The following SPCS3 variants were observed in gnomAD, a reference collection of about 807,000 sequenced individuals.
SPCS3 encodes the protein SPase 22 kDa subunit.
A neutral mutation model predicts 17.2 loss-of-function variants in SPCS3; 9 were observed. The observed-to-expected ratio is 0.52, with a 90% CI of 0.31 to 0.91. The LOEUF (loss-of-function observed/expected upper bound fraction) is 0.91. Among genes scored for constraint, SPCS3 ranks in the 40% least tolerant of loss-of-function variants. The probability of loss-of-function intolerance (pLI) is 0.04; values close to 1 mark genes in which losing one functional copy is unlikely to be tolerated. For missense variants in SPCS3, 139 were observed against 217.5 expected, an observed-to-expected ratio of 0.64 and a Z score of 2.27; for synonymous variants, 87 against 89.6, an observed-to-expected ratio of 0.97 and a Z score of 0.16.
In SPCS3 at chr4:176,330,197, A is replaced by T. The variant is rs1459620415; in HGVS notation, c.*1867A>T. ...GAAAACGAATGAAAGTCTAACACAT[A>T]ACTCATATTGATTTACTTTATTTCT... On this transcript the variant is annotated 3_prime_UTR_variant, in exon 5 of 5. Transcript: ENST00000503362. 2 of 152,224 alleles carry T rather than the reference A, an allele frequency of 1.3e-5. No individual in the cohort carries two copies. Among genetic ancestry groups the T allele is most frequent in the African/African-American group, 4.8e-5 (2 of 41,466 alleles). The allele number at this position is 152,224 out of a possible 1,614,324, so 9.4% of individuals were successfully genotyped here. A position where few individuals can be genotyped will look rare whatever the true frequency, so the allele number is the denominator to read the frequency against.
chr4:176,330,287 T>A lies in SPCS3; in HGVS notation c.*1957T>A, dbSNP rs1232334466. 1 of 152,204 alleles carries A rather than the reference T, an allele frequency of 6.6e-6. No individual in the cohort carries two copies. Among genetic ancestry groups the A allele is most frequent in the Non-Finnish European group, 1.5e-5 (1 of 68,018 alleles). 9.4% of individuals were successfully genotyped at this position (152,204 alleles called of 1,614,324 possible). The stretch of plus-strand genomic sequence containing the variant: ...TGTACAAATACTAGACATGGAAACT[T>A]AAAATGTGCAGGTGTCAAAGCTTAA... On this transcript the variant is annotated 3_prime_UTR_variant, in exon 5 of 5. Transcript: ENST00000503362.
intron 4 of SPCS3, 121 bp downstream of exon 4, chr4:176,327,398 T>G (rs1731621566): frequency 1.8e-6 from 1 of 567,772 alleles, no homozygotes; most frequent in Non-Finnish European, 3.1e-6. Flanking sequence ...AAGAAGTATT[T>G]ATGCATATCT....
intron 1 of SPCS3, 43 bp downstream of exon 1, chr4:176,320,262 C>T (rs1206173398): frequency 4.3e-6 from 6 of 1,402,028 alleles, no homozygotes; most frequent in Non-Finnish European, 4.7e-6. Flanking sequence ...CGGGACCGGG[C>T]TGGGGCGGAA....
intron 1 of SPCS3, chr4:176,321,356 T>C (rs1360936008): frequency 6.6e-6 from 1 of 152,190 alleles, no homozygotes; most frequent in African/African-American, 2.4e-5. Flanking sequence ...TTAATTTCTT[T>C]TTGTTTAAGA....
rs1483016684 is a variant in SPCS3, at chr4:176,331,540, T to A, written c.*3210T>A. On this transcript the variant is annotated 3_prime_UTR_variant, in exon 5 of 5. Transcript: ENST00000503362. Reference sequence around the variant, plus strand: ...CACAATGTAGTCATTCATAAAAAAATTCATGAAAATACTGAACATATGTTT... The same window carrying A: ...CACAATGTAGTCATTCATAAAAAAAATCATGAAAATACTGAACATATGTTT... 2 of 152,192 alleles carry A rather than the reference T, an allele frequency of 1.3e-5. No homozygotes were observed. Among genetic ancestry groups the A allele is most frequent in the South Asian group, 4.1e-4 (2 of 4,830 alleles). 9.4% of individuals were successfully genotyped at this position (152,192 alleles called of 1,614,324 possible).
At chr4:176,321,842 C>T (rs145541952) in intron 1 of SPCS3, 107 of 179,876 alleles carry the variant, frequency 5.9e-4, no homozygotes, top group African/African-American at 2.2e-3. Context: ...ATTCGTATCA[C>T]CTTGTAGTCA....
At chr4:176,323,572 C>T (rs553937052) in intron 2 of SPCS3, among the ~76,000 whole-genome samples, 14 of 152,150 alleles carry the variant, frequency 9.2e-5, no homozygotes, top group South Asian at 2.1e-4. Flanking sequence ...ATATTAACTC[C>T]GCTTATTTCT....
chr4:176,321,995 T>C, intron 1 of SPCS3, 175 bp from the exon 2 acceptor site: 1 of 455,612 alleles, frequency 2.2e-6, no homozygotes. Flanking sequence ...ACTTTAATAT[T>C]GGATTAGAAT....
chr4:176,327,319 G>A, intron 4 of SPCS3, 42 bp downstream of exon 4: 3 of 1,134,968 alleles, frequency 2.6e-6, no homozygotes, highest in Non-Finnish European at 3.7e-6. Flanking sequence ...AATAAGAGGT[G>A]AAAAAGAGAG....
Position 176,320,231 on chromosome 4 carries a change from C to G in SPCS3, c.143+12C>G, listed in dbSNP as rs1389015840. ...TCGCGGATCATGCTGTGAGTGAGGCCGGGCCGGCGGTGCAGGACGCCGGGA... is the reference window on the plus strand; with the variant it reads ...TCGCGGATCATGCTGTGAGTGAGGCGGGGCCGGCGGTGCAGGACGCCGGGA... On this transcript the variant is annotated intron_variant, in intron 1 of 4. Transcript: ENST00000503362. 3.2e-6 allele frequency: 5 copies of G among 1,545,878 alleles called. No homozygotes were observed. Among genetic ancestry groups the G allele is most frequent in the Non-Finnish European group, 4.4e-6 (5 of 1,146,946 alleles).
chr4:176,322,315 G>A, intron 2 of SPCS3, 72 bp downstream of exon 2: 1 of 1,052,792 alleles, frequency 9.5e-7, no homozygotes, highest in Non-Finnish European at 1.4e-6. Context: ...TTAATGATTT[G>A]GGATACAGTG....
Position 176,329,597 on chromosome 4 carries a change from CTT to C in SPCS3, c.*1268_*1269del, listed in dbSNP as rs1560839248. ...TTATTCTCTGAATAAATTCATTTCA[CTT>C]ATATTAAAAGCATAAGGAAATCTAC... On this transcript the variant is annotated 3_prime_UTR_variant, in exon 5 of 5. Transcript: ENST00000503362. 2 of 152,086 alleles carry C rather than the reference CTT, an allele frequency of 1.3e-5. No homozygotes were observed. The highest frequency in any genetic ancestry group is 6.5e-5 in the Admixed American group (1 of 15,268). The allele number at this position is 152,086 out of a possible 1,614,324, so 9.4% of individuals were successfully genotyped here. A position where few individuals can be genotyped will look rare whatever the true frequency, so the allele number is the denominator to read the frequency against.
rs951701007 is a variant in SPCS3 at position 176,330,743 on chromosome 4, T to C, written c.*2413T>C. ...ATAATGTTCTACAAAGACACAAAGC[T>C]TCAGGCTTATACAAAACTGAGTATG... is the stretch of plus-strand genomic sequence containing the variant. On this transcript the variant is annotated 3_prime_UTR_variant, in exon 5 of 5. Coordinates refer to ENST00000503362, the MANE Select transcript of SPCS3 (RefSeq NM_021928.4). 1.3e-5 allele frequency: 2 copies of C among 152,214 alleles called. No individual in the cohort carries two copies. The highest frequency in any genetic ancestry group is 4.8e-5 in the African/African-American group (2 of 41,458). The allele number at this position is 152,214 out of a possible 1,614,324, so 9.4% of individuals were successfully genotyped here.
At chr4:176,323,644 TG>T (rs781397918) in intron 2 of SPCS3, among the ~76,000 whole-genome samples, 13 of 152,180 alleles carry the variant, frequency 8.5e-5, no homozygotes, top group Non-Finnish European at 1.3e-4. Context: ...GAGACTGAAT[TG>T]AGCCACATTG....
intron 1 of SPCS3, 147 bp downstream of exon 1, chr4:176,320,366 C>G (rs867861133): frequency 4.3e-6 from 3 of 692,670 alleles, no homozygotes; most frequent in Middle Eastern, 4.9e-4. Context: ...CCCCCGAGGG[C>G]GGTCGTCAGG....
intron 3 of SPCS3, among the ~76,000 whole-genome samples, chr4:176,325,020 G>A (rs78453928): frequency 0.039 from 5,874 of 150,520 alleles, 163 homozygotes; most frequent in African/African-American, 0.079. Flanking sequence ...CGGTAGTATT[G>A]CCACCACTCA....
At position 176,325,575 on chromosome 4, in the gene SPCS3, AAAAG is replaced by A. The variant is rs796414364; in HGVS notation, c.294+1321_294+1324del. ...ATACCTTTCTTTAAAAAAAAAAAAAAAAAGAACATGGTGCAAGGTGTTTTTGGTA... is the reference window on the plus strand; with the variant it reads ...ATACCTTTCTTTAAAAAAAAAAAAAAAACATGGTGCAAGGTGTTTTTGGTA... On this transcript the variant is annotated intron_variant, in intron 3 of 4. Transcript: ENST00000503362. 1.6e-4 allele frequency among the ~76,000 whole-genome samples: 24 copies of A among 152,106 alleles called. No individual in the cohort carries two copies. The South Asian group carries it at 3.5e-3, about 22-fold the overall frequency.
chr4:176,320,251 C>G, intron 1 of SPCS3, 32 bp downstream of exon 1: 2 of 1,497,102 alleles, frequency 1.3e-6, no homozygotes, highest in Non-Finnish European at 1.8e-6. Context: ...GTGCAGGACG[C>G]CGGGACCGGG....
rs756858744 is a variant in SPCS3, at chr4:176,320,236, C to G, written c.143+17C>G. The G allele has an allele frequency of 2.6e-6, 4 of 1,543,374 alleles. No individual in the cohort carries two copies. Among genetic ancestry groups the G allele is most frequent in the South Asian group, 2.4e-5 (2 of 85,098 alleles). On this transcript the variant is annotated intron_variant, in intron 1 of 4. Coordinates refer to ENST00000503362, the MANE Select transcript of SPCS3 (RefSeq NM_021928.4). ...GATCATGCTGTGAGTGAGGCCGGGC[C>G]GGCGGTGCAGGACGCCGGGACCGGG...
Sources: allele counts gnomAD v4.1 joint callset (sites outside exome capture counted in the v4.1 genomes callset), GRCh38; gene constraint gnomAD v4.1.1; transcripts MANE v1.5; gene names NCBI Gene and HGNC (gene_info 2026-07-23, HGNC 2026-07-21).